The following NXPH1 variants were observed in gnomAD, a reference collection of about 807,000 sequenced individuals.
NXPH1 encodes the protein neurexophilin-1.
In NXPH1, 5 loss-of-function variants were observed where a neutral mutation model predicts 23.7. The observed-to-expected ratio is 0.21, with a 90% CI of 0.11 to 0.44. NXPH1 has a LOEUF of 0.44. Among genes scored for constraint, NXPH1 ranks in the 20% least tolerant of loss-of-function variants. The probability of loss-of-function intolerance (pLI) is 0.99; values close to 1 mark genes in which losing one functional copy is unlikely to be tolerated. For missense variants in NXPH1, 324 were observed against 321.6 expected, an observed-to-expected ratio of 1.01 and a Z score of -0.06; for synonymous variants, 144 against 122.2, an observed-to-expected ratio of 1.18 and a Z score of -1.18.
intron 2 of NXPH1, among the ~76,000 whole-genome samples, chr7:8,662,536 A>T (rs1820694062): frequency 6.6e-6 from 1 of 152,128 alleles, no homozygotes; most frequent in South Asian, 2.1e-4. Flanking sequence ...TACAAAATTT[A>T]ATATTTTACT....
chr7:8,645,853 T>C (rs185838762), intron 2 of NXPH1, among the ~76,000 whole-genome samples: 384 of 152,256 alleles, frequency 2.5e-3, no homozygotes, highest in Admixed American at 5.7e-3. Context: ...CCACTTGTTA[T>C]ATATCAACTT....
intron 2 of NXPH1, among the ~76,000 whole-genome samples, chr7:8,579,600 G>A (rs976405565): frequency 3.9e-5 from 6 of 152,118 alleles, no homozygotes; most frequent in African/African-American, 9.7e-5. Flanking sequence ...TCAAACTCCT[G>A]ACCTCAGATG....
intron 2 of NXPH1, among the ~76,000 whole-genome samples, chr7:8,675,628 A>G (rs762171874): frequency 6.6e-6 from 1 of 152,156 alleles, no homozygotes; most frequent in Non-Finnish European, 1.5e-5. Context: ...TCCGTACAAT[A>G]TGGTGAGTAC....
chr7:8,493,815 G>A (rs185487637), intron 2 of NXPH1, among the ~76,000 whole-genome samples: 14 of 152,042 alleles, frequency 9.2e-5, no homozygotes, highest in Non-Finnish European at 1.9e-4. Flanking sequence ...ATACTTGTGA[G>A]TACATGAAAA....
intron 2 of NXPH1, among the ~76,000 whole-genome samples, chr7:8,642,690 G>C (rs78033348): frequency 6.6e-6 from 1 of 151,082 alleles, no homozygotes; most frequent in Non-Finnish European, 1.5e-5. Flanking sequence ...TTATCTATTC[G>C]TCCATATTTT....
intron 2 of NXPH1, among the ~76,000 whole-genome samples, chr7:8,640,196 T>A (rs1820284851): frequency 6.6e-6 from 1 of 152,172 alleles, no homozygotes; most frequent in Admixed American, 6.5e-5. Flanking sequence ...TTGGGCTTCA[T>A]ATCTAACTTA....
At chr7:8,459,664 A>G (rs1228589727) in intron 2 of NXPH1, among the ~76,000 whole-genome samples, 3 of 152,150 alleles carry the variant, frequency 2.0e-5, no homozygotes, top group Non-Finnish European at 4.4e-5. Context: ...TGGGTCCTCA[A>G]GACTGAAAGA....
intron 2 of NXPH1, among the ~76,000 whole-genome samples, chr7:8,450,515 T>C (rs1816489026): frequency 1.3e-5 from 2 of 152,234 alleles, no homozygotes; most frequent in Non-Finnish European, 2.9e-5. Flanking sequence ...ATTCAGTCTA[T>C]GTTGGATCTA....
At chr7:8,623,344 G>A (rs572667246) in intron 2 of NXPH1, among the ~76,000 whole-genome samples, 1 of 152,246 alleles carries the variant, frequency 6.6e-6, no homozygotes, top group South Asian at 2.1e-4. Flanking sequence ...ATTGGAACAG[G>A]TCAGGTCCCC....
rs144173202 is a variant in NXPH1 at position 8,649,452 on chromosome 7, A to G, written c.55-101556A>G. ...CACCTGTGTGTATGTGCACCTGCAT[A>G]TACACACACAATTATACTCTTACAC... On this transcript the variant is annotated intron_variant, in intron 2 of 2. Transcript: ENST00000405863. Among the ~76,000 whole-genome samples the G allele has an allele frequency of 6.0e-3, 920 of 152,318 alleles. 8 individuals are homozygous for G. The highest frequency in any genetic ancestry group is 0.02 in the African/African-American group (819 of 41,572).
chr7:8,719,672 T>C (rs1261576279), intron 2 of NXPH1, among the ~76,000 whole-genome samples: 1 of 152,196 alleles, frequency 6.6e-6, no homozygotes, highest in Non-Finnish European at 1.5e-5. Context: ...CCTTAAGAGC[T>C]GTCAGCCTGC....
intron 2 of NXPH1, among the ~76,000 whole-genome samples, chr7:8,673,155 C>A (rs1047788918): frequency 2.6e-5 from 4 of 152,024 alleles, no homozygotes; most frequent in Admixed American, 1.3e-4. Context: ...ACCACCACCA[C>A]CCAATTTAAA....
At chr7:8,644,668 C>CT (rs201418063) in intron 2 of NXPH1, among the ~76,000 whole-genome samples, 1,712 of 151,958 alleles carry the variant, frequency 0.011, 20 homozygotes, top group Non-Finnish European at 0.017. Flanking sequence ...CAGACTAGGA[C>CT]TTTTTTTGTG....
chr7:8,490,383 C>G lies in NXPH1; in HGVS notation c.54+54616C>G, dbSNP rs538494136. On this transcript the variant is annotated intron_variant, in intron 2 of 2. Transcript: ENST00000405863. ...GGTCTGGGGAGTTGCAGAGAAATAGCTGCTTGTAGTTACACATACACAGGC... is the reference window on the plus strand; with the variant it reads ...GGTCTGGGGAGTTGCAGAGAAATAGGTGCTTGTAGTTACACATACACAGGC... Among the ~76,000 whole-genome samples the G allele has an allele frequency of 8.2e-4, 123 of 150,874 alleles. 1 individual carries two copies. The highest frequency in any genetic ancestry group is 1.5e-3 in the Non-Finnish European group (105 of 67,868).
chr7:8,470,857 A>G (rs1816861689), intron 2 of NXPH1, among the ~76,000 whole-genome samples: 1 of 151,996 alleles, frequency 6.6e-6, no homozygotes, highest in South Asian at 2.1e-4. Context: ...TGGCTCTGCG[A>G]TGATGAAAAT....
intron 2 of NXPH1, among the ~76,000 whole-genome samples, chr7:8,631,842 T>C (rs1820135964): frequency 6.6e-6 from 1 of 152,298 alleles, no homozygotes; most frequent in Middle Eastern, 3.4e-3. Context: ...TTAGAAGTGT[T>C]GTTAGGACAC....
chr7:8,586,058 T>A (rs1818974296), intron 2 of NXPH1, among the ~76,000 whole-genome samples: 1 of 152,178 alleles, frequency 6.6e-6, no homozygotes, highest in South Asian at 2.1e-4. Context: ...CAGTTTGCTG[T>A]AGAGATGGAG....
At chr7:8,562,144 C>T (rs1818456099) in intron 2 of NXPH1, among the ~76,000 whole-genome samples, 2 of 151,710 alleles carry the variant, frequency 1.3e-5, no homozygotes, top group South Asian at 4.1e-4. Flanking sequence ...AGATAGGAAA[C>T]TGGAGGCACA....
chr7:8,686,220 G>A (rs1291315090), intron 2 of NXPH1, among the ~76,000 whole-genome samples: 1 of 152,084 alleles, frequency 6.6e-6, no homozygotes, highest in Non-Finnish European at 1.5e-5. Flanking sequence ...ATACCTACAA[G>A]ATTCCTCTTT....
Sources: allele counts gnomAD v4.1 joint callset (sites outside exome capture counted in the v4.1 genomes callset), GRCh38; gene constraint gnomAD v4.1.1; transcripts MANE v1.5; gene names NCBI Gene and HGNC (gene_info 2026-07-23, HGNC 2026-07-21).